WDR72: variants seen among roughly 807,000 people sequenced by gnomAD.
WDR72 encodes WD repeat domain 72.
In WDR72, 120 loss-of-function variants were observed where a neutral mutation model predicts 124.2. That is an observed-to-expected ratio of 0.97 (90% CI 0.83 to 1.12). The LOEUF (loss-of-function observed/expected upper bound fraction) is 1.12, where lower values mean the gene tolerates loss of function less well. WDR72 is among the 50% of genes most tolerant of loss of function. The probability of loss-of-function intolerance (pLI) is 0.00; values close to 1 mark genes in which losing one functional copy is unlikely to be tolerated. For missense variants in WDR72, 1,387 were observed against 1,278.8 expected (o/e 1.08, Z -1.29); for synonymous variants, 452 against 441.7 (o/e 1.02, Z -0.29).
At chr15:53,668,895 ACCT>A (rs1420491391) in intron 13 of WDR72, among the ~76,000 whole-genome samples, 1 of 124,050 alleles carries the variant, frequency 8.1e-6, no homozygotes, top group Non-Finnish European at 1.7e-5. Context: ...ACAAGGTGAG[ACCT>A]CGTCTCAAAA....
chr15:53,609,255 T>C (rs2013427681), intron 17 of WDR72, among the ~76,000 whole-genome samples: 1 of 152,150 alleles, frequency 6.6e-6, no homozygotes, highest in African/African-American at 2.4e-5. Context: ...TGCTTCAAAC[T>C]GAAGCTTCAA....
intron 18 of WDR72, among the ~76,000 whole-genome samples, chr15:53,591,552 G>T (rs1274076126): frequency 5.3e-5 from 8 of 151,946 alleles, no homozygotes; most frequent in African/African-American, 2.4e-5. Flanking sequence ...AACAATATAT[G>T]TATGTTTGCT....
chr15:53,719,820 C>T (rs576236568), intron 3 of WDR72, among the ~76,000 whole-genome samples: 1 of 152,266 alleles, frequency 6.6e-6, no homozygotes, highest in South Asian at 2.1e-4. Context: ...GATTCTGGTG[C>T]ACGCTCAGGA....
chr15:53,527,314 T>C (rs1193257856), intron 18 of WDR72, among the ~76,000 whole-genome samples: 1 of 152,012 alleles, frequency 6.6e-6, no homozygotes, highest in East Asian at 1.9e-4. Context: ...CGTTCTTCCT[T>C]TTCTCCTCAC....
chr15:53,554,360 G>A (rs1463534129), intron 18 of WDR72, among the ~76,000 whole-genome samples: 2 of 151,944 alleles, frequency 1.3e-5, no homozygotes, highest in African/African-American at 4.8e-5. Flanking sequence ...GAAGGATTTA[G>A]AGAAACCCTC....
At chr15:53,650,916 T>TTTC (rs1555418926) in intron 14 of WDR72, among the ~76,000 whole-genome samples, 1 of 142,454 alleles carries the variant, frequency 7.0e-6, no homozygotes, top group Non-Finnish European at 1.5e-5. Context: ...TTTTTTTTTT[T>TTTC]ACATAGCAAA....
chr15:53,526,092 C>G (rs925642661), intron 18 of WDR72, among the ~76,000 whole-genome samples: 3 of 152,008 alleles, frequency 2.0e-5, no homozygotes, highest in Non-Finnish European at 4.4e-5. Context: ...GATGAATCAA[C>G]AAATATTGCT....
chr15:53,536,169 C>A (rs1225934756), intron 18 of WDR72, among the ~76,000 whole-genome samples: 1 of 151,826 alleles, frequency 6.6e-6, no homozygotes, highest in Non-Finnish European at 1.5e-5. Flanking sequence ...TCACCATCAC[C>A]AGGACAAATC....
chr15:53,544,821 A>T (rs1893359253), intron 18 of WDR72, among the ~76,000 whole-genome samples: 2 of 152,140 alleles, frequency 1.3e-5, no homozygotes, highest in South Asian at 4.1e-4. Flanking sequence ...AAGTCTCAGG[A>T]TACAAAATCA....
chr15:53,708,427 A>G (rs1292414059), intron 9 of WDR72, among the ~76,000 whole-genome samples: 1 of 152,224 alleles, frequency 6.6e-6, no homozygotes, highest in Non-Finnish European at 1.5e-5. Context: ...AGATAAAGAT[A>G]AGGTGCACAG....
At chr15:53,664,758 CCAAGCCATATAT>C (rs1279062899) in intron 14 of WDR72, among the ~76,000 whole-genome samples, 1 of 151,956 alleles carries the variant, frequency 6.6e-6, no homozygotes, top group Admixed American at 6.6e-5. Flanking sequence ...AACATAAAAA[CCAAGCCATATAT>C]CAAGACATAG....
At chr15:53,561,204 T>C (rs1894113968) in intron 18 of WDR72, among the ~76,000 whole-genome samples, 1 of 151,852 alleles carries the variant, frequency 6.6e-6, no homozygotes, top group South Asian at 2.1e-4. Context: ...CTGGTAAGGA[T>C]ATAGCTATTT....
chr15:53,540,618 A>G (rs1269927358), intron 18 of WDR72, among the ~76,000 whole-genome samples: 1 of 151,872 alleles, frequency 6.6e-6, no homozygotes, highest in Non-Finnish European at 1.5e-5. Flanking sequence ...ATTAGAAAGC[A>G]GTAAAAAGAA....
At chr15:53,673,816 C>T (rs1358785164) in intron 13 of WDR72, among the ~76,000 whole-genome samples, 1 of 151,910 alleles carries the variant, frequency 6.6e-6, no homozygotes, top group Non-Finnish European at 1.5e-5. Context: ...ATGGCGAAAC[C>T]CCGTCTCTAC....
intron 3 of WDR72, among the ~76,000 whole-genome samples, chr15:53,722,241 G>C (rs1442456198): frequency 5.9e-5 from 9 of 151,742 alleles, no homozygotes; most frequent in Non-Finnish European, 7.4e-5. Context: ...CGTCACGTCG[G>C]CCAGGCTGGT....
chr15:53,578,556 G>A (rs145925729), intron 18 of WDR72, among the ~76,000 whole-genome samples: 1 of 152,102 alleles, frequency 6.6e-6, no homozygotes, highest in Non-Finnish European at 1.5e-5. Context: ...CGGTCCTTTG[G>A]AGGAACTGAA....
intron 3 of WDR72, 93 bp downstream of exon 3, chr15:53,722,709 A>G: frequency 9.1e-7 from 1 of 1,101,538 alleles, no homozygotes; most frequent in East Asian, 2.4e-5. Flanking sequence ...GTTGATCACA[A>G]AGGTTTCCTT....
chr15:53,685,071 C>T (rs1262961623), intron 13 of WDR72, among the ~76,000 whole-genome samples: 2 of 151,978 alleles, frequency 1.3e-5, no homozygotes, highest in African/African-American at 4.8e-5. Context: ...ACATCACCAT[C>T]ATCAAAGACC....
Position 53,521,790 on chromosome 15 carries a change from A to G in WDR72, c.3253+1428T>C, listed in dbSNP as rs958347573. 1.3e-5 allele frequency among the ~76,000 whole-genome samples: 2 copies of G among 152,034 alleles called. 1 individual carries two copies. The highest frequency in any genetic ancestry group is 4.1e-4 in the South Asian group (2 of 4,832). On this transcript the variant is annotated intron_variant, in intron 19 of 19. Coordinates refer to ENST00000360509, the MANE Select transcript of WDR72 (RefSeq NM_182758.4). ...TGTCTGACAAAATGAGTAATAGAAA[A>G]CTGTATTAAGACACTTTTAAAACCT... is the stretch of plus-strand genomic sequence containing the variant.
Sources: allele counts gnomAD v4.1 joint callset (sites outside exome capture counted in the v4.1 genomes callset), GRCh38; gene constraint gnomAD v4.1.1; transcripts MANE v1.5; gene names NCBI Gene and HGNC (gene_info 2026-07-23, HGNC 2026-07-21).